Variants in ANO2 observed in about 807,000 individuals in gnomAD.
The protein encoded by ANO2 is anoctamin 2, also known as anoctamin-2.
In ANO2, 101 loss-of-function variants were observed where a neutral mutation model predicts 124.2. That is an observed-to-expected ratio of 0.81 (90% CI 0.69 to 0.96). The LOEUF is 0.96. ANO2 is among the 40% of genes least tolerant of loss of function. The pLI is 0.00. For missense variants in ANO2, 1,293 were observed against 1,274.5 expected (o/e 1.01, Z -0.22); for synonymous variants, 486 against 482.5 (o/e 1.01, Z -0.09).
At chr12:5,623,298 A>C (rs1945221253) in intron 16 of ANO2, among the ~76,000 whole-genome samples, 1 of 152,126 alleles carries the variant, frequency 6.6e-6, no homozygotes, top group African/African-American at 2.4e-5. Flanking sequence ...CGTGCCCCCT[A>C]ACATAGCACC....
chr12:5,850,859 A>G (rs916464092), intron 4 of ANO2, among the ~76,000 whole-genome samples: 2 of 152,234 alleles, frequency 1.3e-5, no homozygotes, highest in Non-Finnish European at 2.9e-5. Context: ...ACATTAAAAT[A>G]TCTCAGAAAG....
At chr12:5,818,447 TTATATATATATA>T (rs57443240) in intron 7 of ANO2, among the ~76,000 whole-genome samples, 8,430 of 82,532 alleles carry the variant, frequency 0.1, 640 homozygotes, top group Non-Finnish European at 0.14. Flanking sequence ...TAAACTCATA[TTATATATATATA>T]TATATATATA....
At chr12:5,744,112 G>C in intron 12 of ANO2, 45 bp downstream of exon 12, 2 of 1,609,488 alleles carry the variant, frequency 1.2e-6, no homozygotes. Flanking sequence ...CTGTGCCCAT[G>C]TAAAGGAACC....
chr12:5,929,208 A>G lies in ANO2; in HGVS notation c.23-6404T>C, dbSNP rs867557673. On this transcript the variant is annotated intron_variant, in intron 1 of 24. Transcript: ENST00000682330. ...GTCTACCTTCTTTCCTCACTCGTCTACCTTCTTTCCTTATTAGTCACTTTC... is the reference window on the plus strand; with the variant it reads ...GTCTACCTTCTTTCCTCACTCGTCTGCCTTCTTTCCTTATTAGTCACTTTC... Among the ~76,000 whole-genome samples the G allele has an allele frequency of 4.8e-3, 472 of 97,874 alleles. 5 individuals carry two copies. Among genetic ancestry groups the G allele is most frequent in the African/African-American group, 0.016 (367 of 22,840 alleles). The allele number at this position is 97,874 out of a possible 152,430, so 64.2% of individuals were successfully genotyped here. A position where few individuals can be genotyped will look rare whatever the true frequency, so the allele number is the denominator to read the frequency against.
At chr12:5,738,556 G>C (rs559290755) in intron 13 of ANO2, among the ~76,000 whole-genome samples, 2 of 152,262 alleles carry the variant, frequency 1.3e-5, no homozygotes, top group Admixed American at 1.3e-4. Context: ...TTAATGGTCA[G>C]AACAGAGGGG....
chr12:5,758,145 C>T (rs186440326), intron 10 of ANO2, among the ~76,000 whole-genome samples: 176 of 152,218 alleles, frequency 1.2e-3, no homozygotes, highest in Non-Finnish European at 1.8e-3. Context: ...GCTTCTGAAG[C>T]CCGAGATGGG....
At chr12:5,651,734 T>C (rs1329564716) in intron 14 of ANO2, among the ~76,000 whole-genome samples, 1 of 152,208 alleles carries the variant, frequency 6.6e-6, no homozygotes, top group Non-Finnish European at 1.5e-5. Context: ...TTCTCCCATG[T>C]CCCTTTGTAG....
chr12:5,867,930 T>C (rs1174507284), intron 3 of ANO2, among the ~76,000 whole-genome samples: 2 of 151,550 alleles, frequency 1.3e-5, no homozygotes, highest in East Asian at 3.9e-4. Context: ...AGTAGGGGAG[T>C]GGGCAGGAAG....
intron 14 of ANO2, among the ~76,000 whole-genome samples, chr12:5,708,423 T>G (rs1430983525): frequency 6.6e-6 from 1 of 152,202 alleles, no homozygotes; most frequent in Non-Finnish European, 1.5e-5. Context: ...CTCTGCATGA[T>G]CTAGCTCCTC....
intron 2 of ANO2, 21 bp from the exon 3 acceptor site, chr12:5,921,387 G>C: frequency 1.8e-4 from 291 of 1,581,670 alleles, no homozygotes; most frequent in Non-Finnish European, 2.2e-4. Flanking sequence ...AGAGAGGAGA[G>C]GCAGGGCAAG....
Position 5,922,610 on chromosome 12 carries a change from CAGTACT to C in ANO2, c.207+4_207+9del. 6.6e-7 allele frequency: 1 copy of C among 1,525,528 alleles called. No homozygotes were observed. The highest frequency in any genetic ancestry group is 2.0e-5 in the Admixed American group (1 of 50,412). 94.5% of individuals were successfully genotyped at this position (1,525,528 alleles called of 1,614,324 possible). A position where few individuals can be genotyped will look rare whatever the true frequency, so the allele number is the denominator to read the frequency against. ...CCTATCCCCCCACCCCACCCCCGCC[CAGTACT>C]CACAGAGCTGCTGCGGGTGCTCTCT... On this transcript the variant is annotated splice_donor_5th_base_variant and intron_variant, in intron 2 of 24. Coordinates refer to ENST00000682330, the MANE Select transcript of ANO2 (RefSeq NM_001364791.2).
intron 14 of ANO2, among the ~76,000 whole-genome samples, chr12:5,708,998 T>C (rs765911528): frequency 2.0e-5 from 3 of 152,248 alleles, no homozygotes; most frequent in Non-Finnish European, 2.9e-5. Context: ...ATCTGTCTTA[T>C]TCACTTTCGC....
At chr12:5,718,705 G>A (rs1950110081) in intron 14 of ANO2, among the ~76,000 whole-genome samples, 1 of 152,226 alleles carries the variant, frequency 6.6e-6, no homozygotes, top group Non-Finnish European at 1.5e-5. Flanking sequence ...CTGGCTTCCG[G>A]CTAGATTCAG....
chr12:5,890,533 T>C (rs1939318144), intron 3 of ANO2, among the ~76,000 whole-genome samples: 1 of 152,246 alleles, frequency 6.6e-6, no homozygotes, highest in South Asian at 2.1e-4. Flanking sequence ...AGCCTAATAA[T>C]TTCTTGCCAA....
chr12:5,845,992 A>G lies in ANO2; in HGVS notation c.633+8051T>C, dbSNP rs558563161. ...TACTTATAAGACTTTTGATCTCAAG[A>G]TAATTTGTTTTGAGTGGCATAATTC... On this transcript the variant is annotated intron_variant, in intron 4 of 24. Transcript: ENST00000682330. Among the ~76,000 whole-genome samples the G allele has an allele frequency of 4.7e-4, 71 of 152,362 alleles. 2 individuals are homozygous for G. The South Asian group carries it at 0.014, about 31-fold the overall frequency.
intron 4 of ANO2, among the ~76,000 whole-genome samples, chr12:5,845,988 C>G (rs549663847): frequency 3.3e-5 from 5 of 152,176 alleles, no homozygotes; most frequent in African/African-American, 1.2e-4. Context: ...CTTTTGATCT[C>G]AAGATAATTT....
intron 16 of ANO2, among the ~76,000 whole-genome samples, chr12:5,620,603 T>C (rs1440809454): frequency 1.3e-5 from 2 of 151,946 alleles, no homozygotes; most frequent in Non-Finnish European, 2.9e-5. Context: ...TCTACAGGAG[T>C]TGAATTGGAA....
In ANO2 at chr12:5,695,108, C is replaced by T. The variant is rs374901665; in HGVS notation, c.1545+37412G>A. 1.2e-4 allele frequency among the ~76,000 whole-genome samples: 18 copies of T among 152,224 alleles called. 1 individual carries two copies. In the South Asian group the frequency reaches 1.5e-3, roughly 12 times the overall value. On this transcript the variant is annotated intron_variant, in intron 14 of 24. Transcript: ENST00000682330. The stretch of plus-strand genomic sequence containing the variant: ...CTTTCAACAGATTTTTCTGATATTC[C>T]ATGATTCTCTGCCCTACTGCTCCCT...
intron 4 of ANO2, among the ~76,000 whole-genome samples, chr12:5,848,383 CT>C (rs1954755046): frequency 6.8e-6 from 1 of 147,340 alleles, no homozygotes; most frequent in African/African-American, 2.5e-5. Flanking sequence ...TTACATGATT[CT>C]TTTTATCTGT....
Sources: gnomAD v4.1 joint callset for allele counts (sites outside exome capture counted in the v4.1 genomes callset) on GRCh38, gnomAD v4.1.1 for gene constraint, MANE v1.5 for transcripts, NCBI Gene and HGNC (gene_info 2026-07-23, HGNC 2026-07-21) for gene names.